The following SUMF1 variants were observed in gnomAD, a reference collection of about 807,000 sequenced individuals.
SUMF1 encodes formylglycine-generating enzyme.
Under a neutral mutation model 47.6 loss-of-function variants are expected in SUMF1, and 48 were observed. That is an observed-to-expected ratio of 1.01 (90% CI 0.80 to 1.28). The LOEUF is 1.28. Ranked by LOEUF, SUMF1 falls within the 50% of genes most tolerant of loss-of-function variation. The pLI, the probability that SUMF1 is intolerant of heterozygous loss-of-function variation, is 0.00. For missense variants in SUMF1, 571 were observed against 485.4 expected (o/e 1.18, Z -1.66); for synonymous variants, 230 against 192.1 (o/e 1.20, Z -1.63).
intron 8 of SUMF1, among the ~76,000 whole-genome samples, chr3:4,103,373 C>T (rs1693082385): frequency 6.6e-6 from 1 of 152,016 alleles, no homozygotes; most frequent in Admixed American, 6.6e-5. Flanking sequence ...AGTACTTGGC[C>T]TCTAAAAGGA....
At chr3:4,181,323 C>G (rs1160325667) in intron 8 of SUMF1, among the ~76,000 whole-genome samples, 2 of 152,190 alleles carry the variant, frequency 1.3e-5, no homozygotes, top group Non-Finnish European at 2.9e-5. Flanking sequence ...AACCCTCTGC[C>G]AGCTCAGTGA....
In SUMF1 at chr3:4,362,271, A is replaced by T. The variant is rs1181112870; in HGVS notation, c.1015-17T>A. On this transcript the variant is annotated splice_polypyrimidine_tract_variant and intron_variant, in intron 8 of 8. Transcript: ENST00000272902. ...ACAATAAGACTGTGTAGAGAGAAAG[A>T]GCAAGGTAAGTGCTACTGGGACTCT... 6 of 1,607,982 alleles carry T rather than the reference A, an allele frequency of 3.7e-6. No homozygotes were observed. In the Admixed American group the frequency reaches 1.0e-4, roughly 27 times the overall value.
At chr3:4,100,041 A>G (rs1692997167) in intron 8 of SUMF1, among the ~76,000 whole-genome samples, 1 of 151,362 alleles carries the variant, frequency 6.6e-6, no homozygotes, top group East Asian at 1.9e-4. Context: ...AATTCAATCC[A>G]ATTCAATTTA....
intron 8 of SUMF1, chr3:4,316,759 A>T: frequency 6.4e-7 from 1 of 1,550,834 alleles, no homozygotes; most frequent in Non-Finnish European, 8.7e-7. Context: ...CACTTCCCAA[A>T]GCCAATCTTG....
chr3:4,349,895 C>T (rs929570977), intron 8 of SUMF1, among the ~76,000 whole-genome samples: 13 of 150,076 alleles, frequency 8.7e-5, no homozygotes, highest in South Asian at 4.2e-4. Flanking sequence ...CAAACCAACA[C>T]GGCACATGTA....
intron 8 of SUMF1, among the ~76,000 whole-genome samples, chr3:4,230,229 A>C (rs73120102): frequency 0.011 from 1,719 of 152,052 alleles, 36 homozygotes; most frequent in African/African-American, 0.039. Context: ...CTGCAGTCCA[A>C]CTCAATTCTG....
chr3:4,196,312 C>T (rs1353146844), intron 8 of SUMF1, among the ~76,000 whole-genome samples: 1 of 152,188 alleles, frequency 6.6e-6, no homozygotes, highest in South Asian at 2.1e-4. Context: ...AGGAGTCTAT[C>T]TCTAAACCAA....
rs1279669855 is a variant in SUMF1 at position 4,217,605 on chromosome 3, TTTC to T, written c.1015-148863_1015-148861del. 8.5e-4 allele frequency among the ~76,000 whole-genome samples: 113 copies of T among 133,048 alleles called. 1 individual carries two copies. Among genetic ancestry groups the T allele is most frequent in the African/African-American group, 3.0e-3 (105 of 34,858 alleles). The allele number at this position is 133,048 out of a possible 152,430, so 87.3% of individuals were successfully genotyped here. On this transcript the variant is annotated intron_variant and NMD_transcript_variant, in intron 8 of 12. Transcript: ENST00000448413. The stretch of plus-strand genomic sequence containing the variant: ...ACAACATTTTGTATATATTTCACGA[TTTC>T]TTTTTAGGGAAATGTACAAGGTCTA...
chr3:4,428,552 C>T (rs553464143), intron 3 of SUMF1, among the ~76,000 whole-genome samples: 1 of 152,194 alleles, frequency 6.6e-6, no homozygotes, highest in Non-Finnish European at 1.5e-5. Flanking sequence ...TGGAGTCTCG[C>T]TACATTGCCT....
At chr3:4,298,425 A>C (rs1697902195) in intron 8 of SUMF1, among the ~76,000 whole-genome samples, 1 of 152,218 alleles carries the variant, frequency 6.6e-6, no homozygotes, top group Admixed American at 6.5e-5. Flanking sequence ...GATAAAAACA[A>C]ATTAAACCAA....
At chr3:4,186,950 C>T (rs548846550) in intron 8 of SUMF1, among the ~76,000 whole-genome samples, 45 of 152,270 alleles carry the variant, frequency 3.0e-4, no homozygotes, top group South Asian at 4.1e-4. Flanking sequence ...TCATTCTTTA[C>T]GTAACACGTA....
chr3:4,263,924 C>A (rs1470699377), intron 8 of SUMF1, among the ~76,000 whole-genome samples: 1 of 151,984 alleles, frequency 6.6e-6, no homozygotes, highest in Non-Finnish European at 1.5e-5. Flanking sequence ...TGACAGAGGG[C>A]CCAAAGATAA....
At chr3:4,079,984 G>A (rs1692524696) in intron 8 of SUMF1, among the ~76,000 whole-genome samples, 1 of 151,800 alleles carries the variant, frequency 6.6e-6, no homozygotes, top group Non-Finnish European at 1.5e-5. Flanking sequence ...GCAAAGCACT[G>A]CTCTCTGGAC....
At chr3:4,277,325 C>G (rs1697440111) in intron 8 of SUMF1, among the ~76,000 whole-genome samples, 1 of 152,096 alleles carries the variant, frequency 6.6e-6, no homozygotes, top group Admixed American at 6.5e-5. Flanking sequence ...GGTGTTCTTT[C>G]CATTACCTTA....
At chr3:4,238,771 T>C (rs1258861322) in intron 8 of SUMF1, among the ~76,000 whole-genome samples, 1 of 152,194 alleles carries the variant, frequency 6.6e-6, no homozygotes, top group Non-Finnish European at 1.5e-5. Context: ...AGAAGCTCTT[T>C]AGTTTAATAA....
At chr3:4,253,481 G>A (rs1056870438) in intron 8 of SUMF1, among the ~76,000 whole-genome samples, 3 of 152,068 alleles carry the variant, frequency 2.0e-5, no homozygotes, top group Non-Finnish European at 4.4e-5. Context: ...TTCCCTTTCC[G>A]AGTAAAAGAA....
Position 4,467,084 on chromosome 3 carries a change from C to T in SUMF1, c.162G>A (p.Thr54=). 1.3e-6 allele frequency: 2 copies of T among 1,562,840 alleles called. No individual in the cohort carries two copies. Among genetic ancestry groups the T allele is most frequent in the African/African-American group, 2.7e-5 (2 of 73,722 alleles). The change falls in exon 1 of 9, where the codon ACG becomes ACA. Residue 54 remains threonine (T), a synonymous_variant. Transcript: ENST00000272902. The part of the protein sequence containing the change: ...GSLAGSCGCG[T]PQRPGAHGSS... ...TGCCATGGGCGCCAGGCCGCTGGGGCGTGCCGCAGCCGCAAGAACCCGCAA... is the reference window on the plus strand; with the variant it reads ...TGCCATGGGCGCCAGGCCGCTGGGGTGTGCCGCAGCCGCAAGAACCCGCAA...
intron 8 of SUMF1, among the ~76,000 whole-genome samples, chr3:4,334,499 T>C (rs1165481536): frequency 6.6e-6 from 1 of 152,204 alleles, no homozygotes; most frequent in African/African-American, 2.4e-5. Flanking sequence ...CACATTTCTT[T>C]CAGGACATGT....
chr3:4,102,061 G>A (rs925965205), intron 8 of SUMF1, among the ~76,000 whole-genome samples: 1 of 152,094 alleles, frequency 6.6e-6, no homozygotes, highest in Non-Finnish European at 1.5e-5. Flanking sequence ...AGCACCATGG[G>A]GGTAACTGCC....
Sources: allele counts gnomAD v4.1 joint callset (sites outside exome capture counted in the v4.1 genomes callset), GRCh38; gene constraint gnomAD v4.1.1; transcripts MANE v1.5; gene names NCBI Gene and HGNC (gene_info 2026-07-23, HGNC 2026-07-21).